The following GRIN2A variants were observed in gnomAD, a reference collection of about 807,000 sequenced individuals.
The protein encoded by GRIN2A is glutamate receptor ionotropic, NMDA 2A.
In GRIN2A, 22 loss-of-function variants were observed where a neutral mutation model predicts 113.4. The ratio of observed to expected loss-of-function variants is 0.19; its 90% confidence interval spans 0.14 to 0.28. The LOEUF is 0.28. Ranked by LOEUF, GRIN2A falls within the 10% of genes least tolerant of loss-of-function variation. The pLI, the probability that GRIN2A is intolerant of heterozygous loss-of-function variation, is 1.00. For missense variants in GRIN2A, 1,502 were observed against 1,887.0 expected (o/e 0.80, Z 3.78); for synonymous variants, 827 against 738.4 (o/e 1.12, Z -1.94).
intron 2 of GRIN2A, among the ~76,000 whole-genome samples, chr16:9,952,139 C>T (rs2045200054): frequency 1.3e-5 from 2 of 152,130 alleles, no homozygotes; most frequent in Admixed American, 1.3e-4. Flanking sequence ...CTCCAAGCCT[C>T]ACCCAGAAAG....
At chr16:9,837,077 G>A (rs186300392) in intron 7 of GRIN2A, among the ~76,000 whole-genome samples, 1 of 152,276 alleles carries the variant, frequency 6.6e-6, no homozygotes, top group African/African-American at 2.4e-5. Flanking sequence ...AGGAAATAAT[G>A]AACAGCAATA....
At chr16:9,791,875 C>A (rs1266471941) in intron 11 of GRIN2A, among the ~76,000 whole-genome samples, 1 of 152,054 alleles carries the variant, frequency 6.6e-6, no homozygotes, top group Admixed American at 6.5e-5. Context: ...ACTTCCAAGG[C>A]TCCCCCACTC....
intron 2 of GRIN2A, among the ~76,000 whole-genome samples, chr16:10,034,976 T>G (rs1383904628): frequency 6.6e-6 from 1 of 152,226 alleles, no homozygotes; most frequent in Non-Finnish European, 1.5e-5. Flanking sequence ...AAACTCATCC[T>G]GGCTCACAAA....
intron 2 of GRIN2A, among the ~76,000 whole-genome samples, chr16:9,952,241 C>A (rs922349579): frequency 2.6e-5 from 4 of 152,098 alleles, no homozygotes; most frequent in Admixed American, 2.6e-4. Flanking sequence ...CAAGGGAATG[C>A]AGAGGAAGGG....
chr16:9,778,805 T>C (rs1341063890), intron 11 of GRIN2A, among the ~76,000 whole-genome samples: 1 of 152,216 alleles, frequency 6.6e-6, no homozygotes, highest in Non-Finnish European at 1.5e-5. Flanking sequence ...CTGACCCATG[T>C]CCAGTTTATG....
At chr16:9,945,812 A>G (rs2045005400) in intron 2 of GRIN2A, among the ~76,000 whole-genome samples, 1 of 152,162 alleles carries the variant, frequency 6.6e-6, no homozygotes, top group South Asian at 2.1e-4. Context: ...TTGCTAGGTT[A>G]TGACTTGAAA....
At chr16:9,821,093 C>T (rs1163704986) in intron 10 of GRIN2A, among the ~76,000 whole-genome samples, 2 of 151,958 alleles carry the variant, frequency 1.3e-5, no homozygotes, top group African/African-American at 2.4e-5. Context: ...AGACACAAAG[C>T]CAGCAGCAAG....
intron 2 of GRIN2A, among the ~76,000 whole-genome samples, chr16:9,981,452 T>G (rs574814999): frequency 6.6e-6 from 1 of 152,328 alleles, no homozygotes; most frequent in South Asian, 2.1e-4. Flanking sequence ...CCCCCATGTA[T>G]CCTCCACTCA....
chr16:9,807,008 T>C (rs1000865029), intron 10 of GRIN2A, among the ~76,000 whole-genome samples: 3 of 151,372 alleles, frequency 2.0e-5, no homozygotes, highest in African/African-American at 7.3e-5. Flanking sequence ...AGAAGAGTTT[T>C]CCTCTTTTAC....
intron 4 of GRIN2A, among the ~76,000 whole-genome samples, chr16:9,871,914 A>T (rs1212794698): frequency 2.6e-5 from 4 of 152,210 alleles, no homozygotes; most frequent in Admixed American, 1.3e-4. Flanking sequence ...AGAAGTTAGT[A>T]GTCAAAGCAT....
At chr16:9,981,306 T>C (rs537837974) in intron 2 of GRIN2A, among the ~76,000 whole-genome samples, 41 of 152,364 alleles carry the variant, frequency 2.7e-4, no homozygotes, top group Non-Finnish European at 4.9e-4. Context: ...TGTTTACCTA[T>C]CTGCAAAGCT....
chr16:9,823,762 T>C (rs969648342), intron 9 of GRIN2A, among the ~76,000 whole-genome samples: 17 of 152,176 alleles, frequency 1.1e-4, no homozygotes, highest in African/African-American at 4.1e-4. Flanking sequence ...ATTATGCAAC[T>C]ACCAAGCAGT....
chr16:9,763,280 C>T lies in GRIN2A; in HGVS notation c.4264G>A (p.Val1422Met). Residue 1422 changes from valine (V) to methionine (M), a missense_variant, in exon 13 of 13, where the codon GTG (valine) becomes ATG (methionine). By Grantham distance (21) the Val-to-Met change is conservative. Around this residue, in one of 7 missense-constraint regions of GRIN2A, gnomAD observed 832 missense variants for 789.7 expected, o/e 1.05. Transcript: ENST00000330684. ...CSRDSRGHND[V>M]YISEHVMPYA... ...GGCATAACATGCTCCGAAATATACA[C>T]ATCATTGTGGCCCCGACTGTCCCTG... is the stretch of plus-strand genomic sequence containing the variant. 6.2e-7 allele frequency: 1 copy of T among 1,614,154 alleles called. No homozygotes were observed. The highest frequency in any genetic ancestry group is 8.5e-7 in the Non-Finnish European group (1 of 1,180,022).
intron 2 of GRIN2A, chr16:10,179,678 C>G (rs903888320): frequency 1.5e-5 from 7 of 453,542 alleles, no homozygotes; most frequent in African/African-American, 1.4e-4. Context: ...CCATGGTACT[C>G]GTAAATCTCC....
rs1420268399 is a variant in GRIN2A, at chr16:9,764,246, C to T, written c.3298G>A (p.Glu1100Lys). The change falls in exon 13 of 13, where the codon GAG (glutamate) becomes AAG (lysine). Residue 1100 changes from glutamate (E) to lysine (K), a missense_variant. By Grantham distance (56) the Glu-to-Lys change is moderately conservative (BLOSUM62 1). This residue lies in a region of GRIN2A where 832 missense variants were observed against 789.7 expected (regional missense o/e 1.05). Coordinates refer to ENST00000330684, the MANE Select transcript of GRIN2A (RefSeq NM_001134407.3). ...GTTTTCAGGTAGGTGCGCTCGACCT[C>T]ACTACAGTCCTTGGGGTATTTGGAG... ...VASKYPKDCSEVERTYLKTKS... is the reference protein window; with the variant it reads ...VASKYPKDCSKVERTYLKTKS... 1 of 1,614,042 alleles carries T rather than the reference C, an allele frequency of 6.2e-7. No homozygotes were observed. The highest frequency in any genetic ancestry group is 1.1e-5 in the South Asian group (1 of 91,074).
intron 11 of GRIN2A, among the ~76,000 whole-genome samples, chr16:9,789,906 A>C (rs1192736761): frequency 6.6e-6 from 1 of 152,228 alleles, no homozygotes; most frequent in African/African-American, 2.4e-5. Flanking sequence ...CATGGAAGAA[A>C]GGGAGAAACT....
intron 2 of GRIN2A, among the ~76,000 whole-genome samples, chr16:10,071,798 G>C (rs2047756945): frequency 6.6e-6 from 1 of 152,236 alleles, no homozygotes; most frequent in Non-Finnish European, 1.5e-5. Context: ...CCCAAGAGGA[G>C]AAGTGGACGG....
At chr16:9,918,822 GAA>G (rs34996984) in intron 3 of GRIN2A, among the ~76,000 whole-genome samples, 71 of 146,582 alleles carry the variant, frequency 4.8e-4, no homozygotes, top group Middle Eastern at 3.5e-3. Flanking sequence ...TGGTTGCAAT[GAA>G]AAAAAAAAAA....
intron 2 of GRIN2A, among the ~76,000 whole-genome samples, chr16:9,968,276 GTA>G (rs2045598026): frequency 2.8e-5 from 2 of 72,530 alleles, no homozygotes; most frequent in Non-Finnish European, 6.5e-5. Flanking sequence ...ATGTATGTAT[GTA>G]TGTATGTATG....
Sources: gnomAD v4.1 joint callset for allele counts (sites outside exome capture counted in the v4.1 genomes callset) on GRCh38, gnomAD v4.1.1 for gene constraint, gnomAD v4.1.1 regional missense constraint, MANE v1.5 for transcripts, NCBI Gene and HGNC (gene_info 2026-07-23, HGNC 2026-07-21) for gene names.